The following BICRA variants were observed in gnomAD, a reference collection of about 807,000 sequenced individuals.
BICRA encodes BRD4-interacting chromatin-remodeling complex-associated protein.
BICRA carries 31 observed loss-of-function variants against 96.9 expected under a neutral mutation model. The ratio of observed to expected loss-of-function variants is 0.32; its 90% CI spans 0.24 to 0.43. The LOEUF (loss-of-function observed/expected upper bound fraction) is 0.43. Among genes scored for constraint, BICRA ranks in the 20% least tolerant of loss-of-function variants. BICRA has a pLI of 1.00. For missense variants in BICRA, 2,283 were observed against 2,190.3 expected (o/e 1.04, Z -0.84); for synonymous variants, 1,350 against 1,071.8 (o/e 1.26, Z -5.07).
At position 47,681,114 on chromosome 19, in the gene BICRA, G is replaced by A. The variant is rs1013899105; in HGVS notation, c.1944G>A (p.Pro648=). The A allele has an allele frequency of 7.9e-6, 11 of 1,387,306 alleles. No homozygotes were observed. The highest frequency in any genetic ancestry group is 2.7e-5 in the South Asian group (2 of 75,322). 85.9% of individuals were successfully genotyped at this position (1,387,306 alleles called of 1,614,324 possible). ...AGCAGCCGCAGGCGCAGCAGCCCCC[G>A]CAGGCCCCCACCCCACAGGCCGCCG... is the stretch of plus-strand genomic sequence containing the variant. ...GLQQPQAQQP[P]QAPTPQAAAP... The change falls in exon 6 of 15, where the codon CCG becomes CCA. Residue 648 remains proline (P), a synonymous_variant. Transcript: ENST00000594866.
intron 1 of BICRA, among the ~76,000 whole-genome samples, chr19:47,638,129 C>CT (rs1342005504): frequency 6.6e-6 from 1 of 152,112 alleles, no homozygotes; most frequent in African/African-American, 2.4e-5. Flanking sequence ...TCCTCCTGCT[C>CT]TTTCTTTGTG....
At chr19:47,670,730 C>G (rs992541339) in intron 2 of BICRA, among the ~76,000 whole-genome samples, 186 bp downstream of exon 2, 1 of 152,250 alleles carries the variant, frequency 6.6e-6, no homozygotes, top group African/African-American at 2.4e-5. Flanking sequence ...ATCACCCTGC[C>G]TCTGCATTAG....
intron 1 of BICRA, among the ~76,000 whole-genome samples, chr19:47,609,919 TCCCCCA>T (rs1971873656): frequency 6.6e-6 from 1 of 151,840 alleles, no homozygotes; most frequent in African/African-American, 2.4e-5. Context: ...GGTGACCCCC[TCCCCCA>T]CCCCCAGCTG....
intron 1 of BICRA, among the ~76,000 whole-genome samples, chr19:47,626,697 C>G (rs1972145064): frequency 6.7e-6 from 1 of 148,498 alleles, no homozygotes; most frequent in African/African-American, 2.5e-5. Flanking sequence ...CATGAGCTAC[C>G]ACGTCCAGCT....
intron 1 of BICRA, among the ~76,000 whole-genome samples, chr19:47,622,229 G>A (rs992529599): frequency 1.3e-5 from 2 of 151,670 alleles, no homozygotes; most frequent in Non-Finnish European, 2.9e-5. Context: ...CTCCCAAAGT[G>A]CTGGAATTAC....
At chr19:47,697,130 C>T (rs1973358322) in intron 11 of BICRA, among the ~76,000 whole-genome samples, 1 of 152,062 alleles carries the variant, frequency 6.6e-6, no homozygotes, top group African/African-American at 2.4e-5. Flanking sequence ...CCCCAGCCTC[C>T]CAAGTAGCTG....
Position 47,680,392 on chromosome 19 carries a change from A to C in BICRA, c.1222A>C (p.Asn408His). The change falls in exon 6 of 15, where the codon AAC becomes CAC. Residue 408 changes from asparagine (N) to histidine (H), a missense_variant. Coordinates refer to ENST00000594866, the MANE Select transcript of BICRA (RefSeq NM_001394372.1). ...TFMAAGKAGQ[N>H]VVLSGFPAPA... The stretch of plus-strand genomic sequence containing the variant: ...CATGGCGGCGGGGAAGGCGGGCCAG[A>C]ACGTGGTGCTGTCGGGCTTCCCCGC... 5.9e-6 allele frequency: 9 copies of C among 1,533,010 alleles called. No individual in the cohort carries two copies. The highest frequency in any genetic ancestry group is 7.9e-6 in the Non-Finnish European group (9 of 1,144,622). 95.0% of individuals were successfully genotyped at this position (1,533,010 alleles called of 1,614,324 possible). A position where few individuals can be genotyped will look rare whatever the true frequency, so the allele number is the denominator to read the frequency against.
chr19:47,701,851 C>A lies in BICRA; in HGVS notation c.4119C>A (p.Arg1373=). 1 of 1,514,806 alleles carries A rather than the reference C, an allele frequency of 6.6e-7. No individual in the cohort carries two copies. The highest frequency in any genetic ancestry group is 2.1e-5 in the Admixed American group (1 of 48,702). 93.8% of individuals were successfully genotyped at this position (1,514,806 alleles called of 1,614,324 possible). A position where few individuals can be genotyped will look rare whatever the true frequency, so the allele number is the denominator to read the frequency against. The change falls in exon 15 of 15, where the codon CGC becomes CGA. Residue 1373 remains arginine (R), a synonymous_variant. Coordinates refer to ENST00000594866, the MANE Select transcript of BICRA (RefSeq NM_001394372.1). The surrounding 1 kb of genome is among the most constrained non-coding windows in gnomAD (Gnocchi z 5.4). ...VDHPPPAAPE[R]KPLGTAPHCP... ...ACCCGCCGCCTGCCGCCCCCGAGCG[C>A]AAGCCCCTGGGCACCGCCCCGCACT... is the stretch of plus-strand genomic sequence containing the variant.
chr19:47,696,481 C>A lies in BICRA; in HGVS notation c.3217C>A (p.Pro1073Thr). ...YESKLSGLKK[P>T]PTLQPSKEAC... ...GAGCAAACTGAGTGGCCTGAAGAAGCCCCCCACGCTTCAGCCCAGCAAGGA... is the reference window on the plus strand; with the variant it reads ...GAGCAAACTGAGTGGCCTGAAGAAGACCCCCACGCTTCAGCCCAGCAAGGA... Residue 1073 changes from proline to threonine, a missense_variant, in exon 11 of 15, where the codon CCC becomes ACC. Physicochemically the swap from Pro to Thr is conservative, Grantham distance 38. Coordinates refer to ENST00000594866, the MANE Select transcript of BICRA (RefSeq NM_001394372.1). 1.2e-6 allele frequency: 2 copies of A among 1,604,252 alleles called. No individual in the cohort carries two copies. Among genetic ancestry groups the A allele is most frequent in the East Asian group, 2.2e-5 (1 of 44,480 alleles).
chr19:47,646,880 C>A lies in BICRA; in HGVS notation c.-107-23563C>A, dbSNP rs572600461. ...TGTGTTTGCAGAGTTATAACCATCA[C>A]CATAATCTATTATAGAACATTTTCC... is the stretch of plus-strand genomic sequence containing the variant. On this transcript the variant is annotated intron_variant, in intron 1 of 14. Transcript: ENST00000594866. Among the ~76,000 whole-genome samples, 5 of 152,250 alleles carry A rather than the reference C, an allele frequency of 3.3e-5. No homozygotes were observed. In the South Asian group the frequency reaches 1.0e-3, roughly 32 times the overall value.
chr19:47,624,712 G>A (rs1196856892), intron 1 of BICRA, among the ~76,000 whole-genome samples: 1 of 151,120 alleles, frequency 6.6e-6, no homozygotes. Context: ...TTTTTCTTTG[G>A]AAGATAGGGT....
intron 1 of BICRA, among the ~76,000 whole-genome samples, chr19:47,624,706 T>C (rs1265047463): frequency 2.0e-5 from 3 of 151,968 alleles, no homozygotes; most frequent in Non-Finnish European, 2.9e-5. Flanking sequence ...TTTTTTTTTT[T>C]CTTTGGAAGA....
rs73041691 is a variant in BICRA, at chr19:47,615,853, C to T, written c.-108+6685C>T. 731 of 152,330 alleles carry T rather than the reference C, an allele frequency of 4.8e-3. 12 individuals are homozygous for T. Among genetic ancestry groups the T allele is most frequent in the Non-Finnish European group, 3.6e-3 (244 of 68,046 alleles). 9.4% of individuals were successfully genotyped at this position (152,330 alleles called of 1,614,324 possible). ...TAAAATGGGCCCATGATGCCTCCCTCGTAGGGTCTGCTGTGAGGCTGAACG... is the reference window on the plus strand; with the variant it reads ...TAAAATGGGCCCATGATGCCTCCCTTGTAGGGTCTGCTGTGAGGCTGAACG... On this transcript the variant is annotated intron_variant, in intron 1 of 14. Coordinates refer to ENST00000594866, the MANE Select transcript of BICRA (RefSeq NM_001394372.1).
At chr19:47,638,612 G>T (rs75067088) in intron 1 of BICRA, among the ~76,000 whole-genome samples, 4 of 104,970 alleles carry the variant, frequency 3.8e-5, no homozygotes, top group Non-Finnish European at 5.4e-5. Context: ...CTCTCTCTCT[G>T]TCACACACAC....
rs1157961397 is a variant in BICRA, at chr19:47,636,802, C to A, written c.-108+27634C>A. Among the ~76,000 whole-genome samples, 6 of 152,292 alleles carry A rather than the reference C, an allele frequency of 3.9e-5. No individual in the cohort carries two copies. The East Asian group carries it at 9.7e-4, about 25-fold the overall frequency. On this transcript the variant is annotated intron_variant, in intron 1 of 14. Transcript: ENST00000594866. Reference sequence around the variant, plus strand: ...GGATTACAGGCATGAGCCACTGCACCCAGCCTGTATTACTGTATTTAATAT... The same window carrying A: ...GGATTACAGGCATGAGCCACTGCACACAGCCTGTATTACTGTATTTAATAT...
At chr19:47,671,856 G>C (rs1972867482) in intron 2 of BICRA, among the ~76,000 whole-genome samples, 1 of 147,774 alleles carries the variant, frequency 6.8e-6, no homozygotes, top group Non-Finnish European at 1.5e-5. Context: ...GGGAGGGATG[G>C]GTAGGTAGAT....
chr19:47,696,654 C>A, intron 11 of BICRA, 142 bp downstream of exon 11: 1 of 703,458 alleles, frequency 1.4e-6, no homozygotes, highest in Non-Finnish European at 2.3e-6. Context: ...GTAGTTCCCT[C>A]ATAGACCCTC....
chr19:47,667,237 G>A lies in BICRA; in HGVS notation c.-107-3206G>A, dbSNP rs11083888. On this transcript the variant is annotated intron_variant, in intron 1 of 14. Transcript: ENST00000594866. Reference sequence around the variant, plus strand: ...GTTTCACCATTCACACAATGGTCTCGATCTCCTGACCTTGTGATCCGCCCG... The same window carrying A: ...GTTTCACCATTCACACAATGGTCTCAATCTCCTGACCTTGTGATCCGCCCG... Among the ~76,000 whole-genome samples, 529 of 152,060 alleles carry A rather than the reference G, an allele frequency of 3.5e-3. 3 individuals carry two copies. Among genetic ancestry groups the A allele is most frequent in the Non-Finnish European group, 2.4e-3 (164 of 67,990 alleles).
rs1973484570 is a variant in BICRA, at chr19:47,702,592, G to T, written c.*177G>T. On this transcript the variant is annotated 3_prime_UTR_variant, in exon 15 of 15. Transcript: ENST00000594866. ...CGCCTGCTTCAGCTGGGTTGCTGGG[G>T]GGTGGGCGTGGATTTAGGGAGGGGG... 4.2e-6 allele frequency: 3 copies of T among 706,124 alleles called. No individual in the cohort carries two copies. The highest frequency in any genetic ancestry group is 6.5e-6 in the Non-Finnish European group (3 of 464,260). The allele number at this position is 706,124 out of a possible 1,614,324, so 43.7% of individuals were successfully genotyped here. A position where few individuals can be genotyped will look rare whatever the true frequency, so the allele number is the denominator to read the frequency against.
Sources: allele counts gnomAD v4.1 joint callset (sites outside exome capture counted in the v4.1 genomes callset), GRCh38; gene constraint gnomAD v4.1.1; non-coding constraint Gnocchi (gnomAD v3.1); transcripts MANE v1.5; gene names NCBI Gene and HGNC (gene_info 2026-07-23, HGNC 2026-07-21).